The following PLPPR1 variants were observed in gnomAD, a reference collection of about 807,000 sequenced individuals.
PLPPR1 encodes phospholipid phosphatase related 1.
In PLPPR1, 10 loss-of-function variants were observed where a neutral mutation model predicts 33.1. That is an observed-to-expected ratio of 0.30 (90% CI 0.19 to 0.51). The LOEUF (loss-of-function observed/expected upper bound fraction) is 0.51. PLPPR1 is among the 20% of genes least tolerant of loss of function. The pLI is 0.97. For synonymous variants in PLPPR1, 151 were observed against 151.0 expected, an observed-to-expected ratio of 1.00 and a Z score of 0.00; for missense variants, 304 against 408.1, an observed-to-expected ratio of 0.74 and a Z score of 2.20.
chr9:101,261,371 G>A (rs1256651890), intron 2 of PLPPR1, among the ~76,000 whole-genome samples: 1 of 152,014 alleles, frequency 6.6e-6, no homozygotes, highest in African/African-American at 2.4e-5. Context: ...TATTATTGAT[G>A]TCTGTGTATA....
At chr9:101,267,691 A>G (rs958634986) in intron 2 of PLPPR1, among the ~76,000 whole-genome samples, 1 of 152,082 alleles carries the variant, frequency 6.6e-6, no homozygotes, top group African/African-American at 2.4e-5. Flanking sequence ...ACACCTTTAG[A>G]TAAGATGGTT....
intron 2 of PLPPR1, among the ~76,000 whole-genome samples, chr9:101,227,266 T>C (rs886104456): frequency 2.0e-5 from 3 of 148,876 alleles, no homozygotes; most frequent in African/African-American, 7.8e-5. Flanking sequence ...CTTTAAAAAA[T>C]AAAAAAATGT....
At chr9:101,205,623 T>A (rs924694820) in intron 2 of PLPPR1, among the ~76,000 whole-genome samples, 14 of 152,190 alleles carry the variant, frequency 9.2e-5, no homozygotes, top group East Asian at 7.7e-4. Context: ...TTCCTTTAGG[T>A]ATGGCAAATA....
chr9:101,232,408 T>C (rs1360065), intron 2 of PLPPR1, among the ~76,000 whole-genome samples: 77,272 of 151,576 alleles, frequency 0.51, 21,313 homozygotes, highest in African/African-American at 0.74. Context: ...CTACATGTTA[T>C]TGCTCCTAAA....
chr9:101,280,640 A>G (rs1045692761), intron 3 of PLPPR1, among the ~76,000 whole-genome samples: 2 of 152,166 alleles, frequency 1.3e-5, no homozygotes, highest in African/African-American at 2.4e-5. Context: ...AAATCAATCA[A>G]TGTGATACAT....
chr9:101,179,461 G>A (rs187708114), intron 1 of PLPPR1, among the ~76,000 whole-genome samples: 5 of 152,242 alleles, frequency 3.3e-5, no homozygotes, highest in South Asian at 2.1e-4. Flanking sequence ...GTTTGTGCAC[G>A]TATACACTTG....
At chr9:101,058,767 A>G (rs1830308741) in intron 1 of PLPPR1, among the ~76,000 whole-genome samples, 1 of 152,176 alleles carries the variant, frequency 6.6e-6, no homozygotes, top group Admixed American at 6.6e-5. Flanking sequence ...TAATATTAAC[A>G]ACAGTAATAA....
intron 1 of PLPPR1, among the ~76,000 whole-genome samples, chr9:101,144,843 C>T (rs1023265392): frequency 6.6e-6 from 1 of 152,118 alleles, no homozygotes; most frequent in Non-Finnish European, 1.5e-5. Flanking sequence ...AATTTCATTT[C>T]CCCACCTTCT....
At chr9:101,048,209 T>G (rs1830176761) in intron 1 of PLPPR1, among the ~76,000 whole-genome samples, 1 of 152,184 alleles carries the variant, frequency 6.6e-6, no homozygotes, top group Admixed American at 6.5e-5. Context: ...AGATGATTAC[T>G]CATAGGGAGA....
At chr9:101,137,376 T>C (rs747162353) in intron 1 of PLPPR1, among the ~76,000 whole-genome samples, 1 of 152,004 alleles carries the variant, frequency 6.6e-6, no homozygotes, top group Non-Finnish European at 1.5e-5. Flanking sequence ...GGAATGGAAG[T>C]TGGAGGGACA....
chr9:101,292,083 G>T (rs558914753), intron 4 of PLPPR1, among the ~76,000 whole-genome samples: 1 of 152,288 alleles, frequency 6.6e-6, no homozygotes, highest in South Asian at 2.1e-4. Flanking sequence ...AACCAATACA[G>T]AGAAGTGCTT....
At chr9:101,237,969 G>T (rs1588088818) in intron 2 of PLPPR1, among the ~76,000 whole-genome samples, 20 of 82,232 alleles carry the variant, frequency 2.4e-4, no homozygotes, top group South Asian at 8.8e-4. Context: ...ACACACACAG[G>T]CTATATAGCC....
intron 1 of PLPPR1, among the ~76,000 whole-genome samples, chr9:101,032,784 A>G (rs1224755649): frequency 1.3e-5 from 2 of 152,176 alleles, no homozygotes; most frequent in African/African-American, 4.8e-5. Context: ...AACAAAAAAC[A>G]TATTTTCTCA....
At chr9:101,158,990 A>G (rs2987745) in intron 1 of PLPPR1, among the ~76,000 whole-genome samples, 65,928 of 151,978 alleles carry the variant, frequency 0.43, 14,865 homozygotes, top group Non-Finnish European at 0.5. Flanking sequence ...GTGTGTGCTT[A>G]TTGCTAAATT....
chr9:101,142,977 G>T (rs1322595909), intron 1 of PLPPR1, among the ~76,000 whole-genome samples: 1 of 152,044 alleles, frequency 6.6e-6, no homozygotes, highest in Non-Finnish European at 1.5e-5. Flanking sequence ...AATTTATTGT[G>T]CAACTAGAGA....
chr9:101,243,466 C>A (rs1037222401), intron 2 of PLPPR1, among the ~76,000 whole-genome samples: 2 of 151,838 alleles, frequency 1.3e-5, no homozygotes, highest in African/African-American at 4.8e-5. Context: ...TTAAATTGAT[C>A]AGATTTACAG....
intron 1 of PLPPR1, among the ~76,000 whole-genome samples, chr9:101,155,418 G>A (rs2118659555): frequency 6.6e-6 from 1 of 152,224 alleles, no homozygotes; most frequent in African/African-American, 2.4e-5. Flanking sequence ...ATGAGGAAGG[G>A]CAAGCAAGCA....
intron 6 of PLPPR1, among the ~76,000 whole-genome samples, chr9:101,314,750 T>A (rs1416020843): frequency 3.1e-4 from 46 of 146,206 alleles, no homozygotes; most frequent in Admixed American, 2.0e-3. Context: ...AGCTTCAATT[T>A]AAAAAAAAAA....
chr9:101,040,845 A>T (rs1830068837), intron 1 of PLPPR1, among the ~76,000 whole-genome samples: 1 of 152,206 alleles, frequency 6.6e-6, no homozygotes, highest in African/African-American at 2.4e-5. Flanking sequence ...GTCCATTGTT[A>T]TACCTCCAAG....
Sources: allele counts gnomAD v4.1 joint callset (sites outside exome capture counted in the v4.1 genomes callset), GRCh38; gene constraint gnomAD v4.1.1; transcripts MANE v1.5; gene names NCBI Gene and HGNC (gene_info 2026-07-23, HGNC 2026-07-21).